WDPCP: variants seen among roughly 807,000 people sequenced by gnomAD.
WDPCP encodes the protein WD repeat containing planar cell polarity effector, also known as WD repeat-containing and planar cell polarity effector protein fritz homolog.
In WDPCP, 71 loss-of-function variants were observed where a neutral mutation model predicts 93.1. The ratio of observed to expected loss-of-function variants is 0.76; its 90% CI spans 0.63 to 0.93. The LOEUF (loss-of-function observed/expected upper bound fraction) is 0.93, where lower values mean the gene tolerates loss of function less well. Among genes scored for constraint, WDPCP ranks in the 40% least tolerant of loss-of-function variants. The pLI, the probability that WDPCP is intolerant of heterozygous loss-of-function variation, is 0.00. For synonymous variants in WDPCP, 315 were observed against 315.0 expected (o/e 1.00, Z 0.00); for missense variants, 844 against 887.4 (o/e 0.95, Z 0.62).
At chr2:63,131,920 C>T (rs1269563624) in intron 17 of WDPCP, among the ~76,000 whole-genome samples, 1 of 151,046 alleles carries the variant, frequency 6.6e-6, no homozygotes, top group Non-Finnish European at 1.5e-5. Flanking sequence ...ACTGCAACCT[C>T]CACCTCCCAG....
intron 13 of WDPCP, among the ~76,000 whole-genome samples, chr2:63,261,655 T>C (rs2699396): frequency 0.7 from 106,077 of 152,054 alleles, 38,785 homozygotes; most frequent in African/African-American, 0.91. Flanking sequence ...TTCACATATA[T>C]AGAGCTATAT....
chr2:63,662,194 T>G (rs1007646906), intron 2 of WDPCP, among the ~76,000 whole-genome samples: 6 of 152,034 alleles, frequency 3.9e-5, no homozygotes, highest in Non-Finnish European at 7.4e-5. Flanking sequence ...CGTACTTTGG[T>G]GGTAAATAGC....
Position 63,611,936 on chromosome 2 carries a change from T to C in WDPCP, n.488+38723A>G, listed in dbSNP as rs539823954. On this transcript the variant is annotated intron_variant and non_coding_transcript_variant, in intron 3 of 4. Coordinates refer to the WDPCP transcript ENST00000467687. ...TTGAGTAAAGCACTTTTAAGCAGAA[T>C]AGACATCTTTAAAACCATCCAGTTT... 4.6e-5 allele frequency among the ~76,000 whole-genome samples: 7 copies of C among 152,310 alleles called. No individual in the cohort carries two copies. The South Asian group carries it at 1.5e-3, about 32-fold the overall frequency.
intron 1 of WDPCP, among the ~76,000 whole-genome samples, chr2:63,580,655 C>G (rs1708435195): frequency 6.6e-6 from 1 of 152,196 alleles, no homozygotes; most frequent in African/African-American, 2.4e-5. Context: ...TAAACTGTTC[C>G]AGATTACAGG....
chr2:63,501,372 T>C (rs557125987), intron 1 of WDPCP, among the ~76,000 whole-genome samples: 2 of 152,246 alleles, frequency 1.3e-5, no homozygotes, highest in South Asian at 4.1e-4. Flanking sequence ...AAGATCAGCC[T>C]GGGCAACATA....
At chr2:63,626,403 C>T (rs540323780) in intron 3 of WDPCP, among the ~76,000 whole-genome samples, 1 of 152,180 alleles carries the variant, frequency 6.6e-6, no homozygotes, top group Admixed American at 6.5e-5. Flanking sequence ...GAACAGGCAA[C>T]CTACAGAATG....
chr2:63,400,321 A>T (rs1359907587), intron 10 of WDPCP, among the ~76,000 whole-genome samples: 1 of 152,180 alleles, frequency 6.6e-6, no homozygotes, highest in Non-Finnish European at 1.5e-5. Context: ...TATAAAACCC[A>T]AAAGTATAGA....
intron 2 of WDPCP, among the ~76,000 whole-genome samples, chr2:63,729,910 T>C (rs915536353): frequency 1.3e-5 from 2 of 152,216 alleles, no homozygotes; most frequent in African/African-American, 2.4e-5. Context: ...ATGCTGAAAT[T>C]CATCAAATAT....
At chr2:63,776,655 CAAA>C (rs778768889) in intron 2 of WDPCP, among the ~76,000 whole-genome samples, 4 of 54,020 alleles carry the variant, frequency 7.4e-5, no homozygotes, top group Middle Eastern at 8.3e-3. Flanking sequence ...GGCCCTGTCT[CAAA>C]AAAAAAAAAA....
chr2:63,261,489 A>G (rs1681626744), intron 13 of WDPCP, among the ~76,000 whole-genome samples: 1 of 152,206 alleles, frequency 6.6e-6, no homozygotes, highest in East Asian at 1.9e-4. Context: ...CAGTACTTAT[A>G]TATGTGGAAA....
At chr2:63,175,288 T>G (rs1673722879) in intron 14 of WDPCP, among the ~76,000 whole-genome samples, 1 of 152,256 alleles carries the variant, frequency 6.6e-6, no homozygotes, top group East Asian at 1.9e-4. Flanking sequence ...TCCCATATCT[T>G]AGAGATGTAC....
At chr2:63,411,850 A>G (rs1278369482) in intron 9 of WDPCP, among the ~76,000 whole-genome samples, 1 of 152,216 alleles carries the variant, frequency 6.6e-6, no homozygotes, top group Non-Finnish European at 1.5e-5. Context: ...TACCCTGAAC[A>G]GACCAATAAC....
intron 3 of WDPCP, chr2:63,606,904 T>C (rs1447361190): frequency 6.2e-7 from 1 of 1,612,350 alleles, no homozygotes; most frequent in East Asian, 2.2e-5. Flanking sequence ...TATTAATGAT[T>C]TCTCACGTGA....
At chr2:63,492,753 T>C (rs17617855) in intron 2 of WDPCP, 103 bp downstream of exon 2, 232,078 of 1,015,150 alleles carry the variant, frequency 0.23, 29,501 homozygotes, top group Non-Finnish European at 0.25. Flanking sequence ...AAAGAAAGAA[T>C]GCAACTCCAG....
rs139282632 is a variant in WDPCP, at chr2:63,238,108, T to C, written c.1915+21199A>G. Among the ~76,000 whole-genome samples, 5 of 152,316 alleles carry C rather than the reference T, an allele frequency of 3.3e-5. No homozygotes were observed. In the East Asian group the frequency reaches 9.6e-4, roughly 29 times the overall value. On this transcript the variant is annotated intron_variant, in intron 14 of 17. Coordinates refer to ENST00000272321, the MANE Select transcript of WDPCP (RefSeq NM_015910.7). ...TATATCATGTGAACCTTTTCATGAT[T>C]ATAGCAATAATACAAATTTTTTTGT...
At chr2:63,485,434 A>C (rs1700517121) in intron 4 of WDPCP, among the ~76,000 whole-genome samples, 1 of 151,898 alleles carries the variant, frequency 6.6e-6, no homozygotes, top group Admixed American at 6.6e-5. Flanking sequence ...GAAATAAAAA[A>C]TAAAACTGTA....
At chr2:63,178,164 C>G (rs866393814) in intron 14 of WDPCP, among the ~76,000 whole-genome samples, 1 of 152,212 alleles carries the variant, frequency 6.6e-6, no homozygotes, top group Admixed American at 6.5e-5. Flanking sequence ...CTATCAAGAA[C>G]GTTGGTCTGT....
chr2:63,253,871 C>T (rs1680932371), intron 14 of WDPCP, among the ~76,000 whole-genome samples: 1 of 152,170 alleles, frequency 6.6e-6, no homozygotes, highest in Non-Finnish European at 1.5e-5. Flanking sequence ...CCGTTGATCC[C>T]ATTCCTGAGT....
intron 13 of WDPCP, among the ~76,000 whole-genome samples, chr2:63,269,461 G>C (rs1682443010): frequency 6.6e-6 from 1 of 152,200 alleles, no homozygotes; most frequent in South Asian, 2.1e-4. Flanking sequence ...TAAAAAACTT[G>C]CTGTTCCTGG....
Sources: gnomAD v4.1 joint callset for allele counts (sites outside exome capture counted in the v4.1 genomes callset) on GRCh38, gnomAD v4.1.1 for gene constraint, MANE v1.5 for transcripts, NCBI Gene and HGNC (gene_info 2026-07-23, HGNC 2026-07-21) for gene names.